The following LRRC47 variants were observed in gnomAD, a reference collection of about 807,000 sequenced individuals.
The protein encoded by LRRC47 is leucine rich repeat containing 47, also known as leucine-rich repeat-containing protein 47.
LRRC47 carries 31 observed loss-of-function variants against 40.9 expected under a neutral mutation model. The observed-to-expected ratio is 0.76, with a 90% confidence interval of 0.57 to 1.02. The LOEUF (loss-of-function observed/expected upper bound fraction) is 1.02, where lower values mean the gene tolerates loss of function less well. LRRC47 is among the 50% of genes least tolerant of loss of function. The probability of loss-of-function intolerance (pLI) is 0.00; values close to 1 mark genes in which losing one functional copy is unlikely to be tolerated. For missense variants in LRRC47, 726 were observed against 796.1 expected (o/e 0.91, Z 1.06); for synonymous variants, 427 against 371.9 (o/e 1.15, Z -1.70).
rs1643501016 is a variant in LRRC47, at chr1:3,779,765, C to T, written c.*1323G>A. ...GCTCCACCTGCCTGTCACTGCAGCA[C>T]CAGCGTGCACACGATGGAAACCCCA... On this transcript the variant is annotated 3_prime_UTR_variant, in exon 7 of 7. Transcript: ENST00000378251. 1 of 152,214 alleles carries T rather than the reference C, an allele frequency of 6.6e-6. No homozygotes were observed. The highest frequency in any genetic ancestry group is 1.5e-5 in the Non-Finnish European group (1 of 68,070). The allele number at this position is 152,214 out of a possible 1,614,324, so 9.4% of individuals were successfully genotyped here.
In LRRC47 at chr1:3,796,422, C is replaced by A. The variant is rs1276256947; in HGVS notation, c.55G>T (p.Glu19Ter). The change falls in exon 1 of 7, where the codon GAG becomes TAG. Residue 19 changes from glutamate (E) to a stop codon, truncating the protein, a stop_gained. Transcript: ENST00000378251. LOFTEE classifies it high-confidence loss of function. The stretch of plus-strand genomic sequence containing the variant: ...GTCAGCAGCAGCTCCCGCCGCCGCT[C>A]GCGCTCAGCCAGCTCCAGCTCCGGC... ...SWPELELAER[E>*]RRRELLLTGP... is the part of the protein sequence containing the mutation. 6.6e-7 allele frequency: 1 copy of A among 1,518,630 alleles called. No homozygotes were observed. Among genetic ancestry groups the A allele is most frequent in the Admixed American group, 2.0e-5 (1 of 50,332 alleles). The allele number at this position is 1,518,630 out of a possible 1,614,324, so 94.1% of individuals were successfully genotyped here.
intron 3 of LRRC47, 182 bp from the exon 4 acceptor site, chr1:3,784,293 G>A (rs1028951325): frequency 6.8e-6 from 4 of 591,368 alleles, no homozygotes; most frequent in Non-Finnish European, 1.2e-5. Flanking sequence ...TGCCACTGCA[G>A]CGTCCCGGGG....
chr1:3,790,494 A>T (rs925075261), intron 1 of LRRC47, among the ~76,000 whole-genome samples: 8 of 152,228 alleles, frequency 5.3e-5, no homozygotes, highest in African/African-American at 1.7e-4. Context: ...CGCCTGCGTG[A>T]TGGCCACTTA....
chr1:3,780,795 G>C lies in LRRC47; in HGVS notation c.*293C>G. 4 of 368,486 alleles carry C rather than the reference G, an allele frequency of 1.1e-5. No individual in the cohort carries two copies. The South Asian group carries it at 1.1e-4, about 10-fold the overall frequency. 22.8% of individuals were successfully genotyped at this position (368,486 alleles called of 1,614,324 possible). ...GATCAAGACCATCCTGGTCAAAATGGTGAAACCCCGTCTCTACTAAAAATA... is the reference window on the plus strand; with the variant it reads ...GATCAAGACCATCCTGGTCAAAATGCTGAAACCCCGTCTCTACTAAAAATA... On this transcript the variant is annotated 3_prime_UTR_variant, in exon 7 of 7. Transcript: ENST00000378251.
chr1:3,793,462 G>A (rs1643644818), intron 1 of LRRC47, among the ~76,000 whole-genome samples: 1 of 152,188 alleles, frequency 6.6e-6, no homozygotes. Context: ...TAATTTAAAT[G>A]ATAATACTCC....
At chr1:3,788,040 G>T (rs556217232) in intron 1 of LRRC47, among the ~76,000 whole-genome samples, 11 of 152,358 alleles carry the variant, frequency 7.2e-5, no homozygotes, top group African/African-American at 2.6e-4. Flanking sequence ...AAACGTGCAG[G>T]TGACCTCACT....
In LRRC47 at chr1:3,783,748, C is replaced by T. The variant is rs939606346; in HGVS notation, c.1310+248G>A. The T allele has an allele frequency of 1.6e-5, 8 of 512,342 alleles. No homozygotes were observed. The Admixed American group carries it at 2.3e-4, about 15-fold the overall frequency. The allele number at this position is 512,342 out of a possible 1,614,324, so 31.7% of individuals were successfully genotyped here. On this transcript the variant is annotated intron_variant, in intron 4 of 6. Coordinates refer to ENST00000378251, the MANE Select transcript of LRRC47 (RefSeq NM_020710.3). ...CCTGTCCCATCCTGAGGGCCACCCGCCCCCTGTGGAATGGCCAATACCTCC... is the reference window on the plus strand; with the variant it reads ...CCTGTCCCATCCTGAGGGCCACCCGTCCCCTGTGGAATGGCCAATACCTCC...
rs750609662 is a variant in LRRC47, at chr1:3,786,986, C to T, written c.940G>A (p.Val314Ile). The T allele has an allele frequency of 5.6e-6, 9 of 1,611,690 alleles. No homozygotes were observed. Among genetic ancestry groups the T allele is most frequent in the African/African-American group, 4.0e-5 (3 of 74,878 alleles). ...GTCAGAGGTACGGGGTTTTCAGAGA[C>T]GTGCAGGACCCTGAGCAGCAGCCGG... Reference protein sequence around the residue: ...AGRLLLRVLHVSENPVPLTVR... With the variant: ...AGRLLLRVLHISENPVPLTVR... The change falls in exon 2 of 7, where the codon GTC becomes ATC. Residue 314 changes from valine (V) to isoleucine (I), a missense_variant. Physicochemically the swap from Val to Ile is conservative, Grantham distance 29. Transcript: ENST00000378251.
intron 3 of LRRC47, 31 bp from the exon 4 acceptor site, chr1:3,784,142 G>A: frequency 6.4e-7 from 1 of 1,564,568 alleles, no homozygotes; most frequent in Non-Finnish European, 8.7e-7. Flanking sequence ...AACTCCACTA[G>A]GGTCACAGCC....
In LRRC47 at chr1:3,784,284, G is replaced by A. The variant is rs1376956380; in HGVS notation, c.1195-173C>T. 9.8e-6 allele frequency: 6 copies of A among 609,276 alleles called. No individual in the cohort carries two copies. In the East Asian group the frequency reaches 1.7e-4, roughly 17 times the overall value. 37.7% of individuals were successfully genotyped at this position (609,276 alleles called of 1,614,324 possible). The stretch of plus-strand genomic sequence containing the variant: ...CGCAGCAAGAAGCTGCATGTGGGCT[G>A]CCACTGCAGCGTCCCGGGGAGACCT... On this transcript the variant is annotated intron_variant, in intron 3 of 6. Transcript: ENST00000378251.
Position 3,784,109 on chromosome 1 carries a change from A to G in LRRC47, c.1197T>C (p.Ile399=), listed in dbSNP as rs750920435. ...YCARPPQDLK[I]VPLGRKEAKA... ...TGGCTTCTTTCCGCCCCAAGGGGACAATCTATCGGGCAGAAACCCACAAAC... is the reference window on the plus strand; with the variant it reads ...TGGCTTCTTTCCGCCCCAAGGGGACGATCTATCGGGCAGAAACCCACAAAC... Residue 399 remains isoleucine (I), a splice_region_variant and synonymous_variant, in exon 4 of 7, where the codon ATT becomes ATC. Coordinates refer to ENST00000378251, the MANE Select transcript of LRRC47 (RefSeq NM_020710.3). 6.2e-7 allele frequency: 1 copy of G among 1,608,358 alleles called. No individual in the cohort carries two copies. Among genetic ancestry groups the G allele is most frequent in the South Asian group, 1.1e-5 (1 of 90,040 alleles).
intron 1 of LRRC47, 109 bp downstream of exon 1, chr1:3,795,753 C>T: frequency 1.5e-6 from 2 of 1,333,296 alleles, no homozygotes; most frequent in Non-Finnish European, 2.0e-6. Context: ...ATTCCCTGGG[C>T]CCAGTGCCCC....
At position 3,788,157 on chromosome 1, in the gene LRRC47, G is replaced by A. The variant is rs771008476; in HGVS notation, c.616-847C>T. Among the ~76,000 whole-genome samples the A allele has an allele frequency of 2.4e-4, 36 of 152,370 alleles. 1 individual carries two copies. Among genetic ancestry groups the A allele is most frequent in the Middle Eastern group, 3.4e-3 (1 of 294 alleles). On this transcript the variant is annotated intron_variant, in intron 1 of 6. Transcript: ENST00000378251. ...GTGTGAGGGCAGCCACTTCCATGAC[G>A]TGAGGCGGCCGCTGCAGGTTCAGGC... is the stretch of plus-strand genomic sequence containing the variant.
rs370208893 is a variant in LRRC47, at chr1:3,781,047, C to A, written c.*41G>T. ...TTCAGCATTGCCGCATAGAAACCTCCGCAAAACCGGCCAAACAAACGCGGA... is the reference window on the plus strand; with the variant it reads ...TTCAGCATTGCCGCATAGAAACCTCAGCAAAACCGGCCAAACAAACGCGGA... On this transcript the variant is annotated 3_prime_UTR_variant, in exon 7 of 7. Coordinates refer to ENST00000378251, the MANE Select transcript of LRRC47 (RefSeq NM_020710.3). 3.8e-6 allele frequency: 6 copies of A among 1,596,328 alleles called. No homozygotes were observed. Among genetic ancestry groups the A allele is most frequent in the Non-Finnish European group, 5.1e-6 (6 of 1,168,632 alleles).
In LRRC47 at chr1:3,780,804, C is replaced by G. The variant is rs897976445; in HGVS notation, c.*284G>C. 1 of 388,526 alleles carries G rather than the reference C, an allele frequency of 2.6e-6. No individual in the cohort carries two copies. The highest frequency in any genetic ancestry group is 2.1e-5 in the African/African-American group (1 of 48,420). The allele number at this position is 388,526 out of a possible 1,614,324, so 24.1% of individuals were successfully genotyped here. A position where few individuals can be genotyped will look rare whatever the true frequency, so the allele number is the denominator to read the frequency against. On this transcript the variant is annotated 3_prime_UTR_variant, in exon 7 of 7. Coordinates refer to ENST00000378251, the MANE Select transcript of LRRC47 (RefSeq NM_020710.3). ...CATCCTGGTCAAAATGGTGAAACCC[C>G]GTCTCTACTAAAAATACAAAAATTA...
In LRRC47 at chr1:3,796,186, C is replaced by A; in HGVS notation, c.291G>T (p.Pro97=). 1.4e-6 allele frequency: 2 copies of A among 1,436,916 alleles called. No individual in the cohort carries two copies. Among genetic ancestry groups the A allele is most frequent in the Non-Finnish European group, 1.8e-6 (2 of 1,101,346 alleles). 89.0% of individuals were successfully genotyped at this position (1,436,916 alleles called of 1,614,324 possible). The change falls in exon 1 of 7, where the codon CCG becomes CCT. Residue 97 remains proline (P), a synonymous_variant. Coordinates refer to ENST00000378251, the MANE Select transcript of LRRC47 (RefSeq NM_020710.3). ...LGPGLSPELG[P]LPALRVLDLS... ...GGTCGAGCACCCGAAGGGCAGGCAG[C>A]GGCCCGAGCTCGGGGCTCAGGCCGG...
intron 1 of LRRC47, among the ~76,000 whole-genome samples, chr1:3,791,912 C>A (rs540178008): frequency 2.0e-5 from 3 of 151,530 alleles, no homozygotes; most frequent in African/African-American, 7.3e-5. Context: ...CACCACCACA[C>A]CCAGCTAATT....
intron 1 of LRRC47, among the ~76,000 whole-genome samples, chr1:3,790,223 A>G (rs1279441607): frequency 6.6e-6 from 1 of 151,988 alleles, no homozygotes; most frequent in African/African-American, 2.4e-5. Context: ...ACAGGCTGAC[A>G]TAAACCAACC....
At chr1:3,794,823 G>A (rs1033559956) in intron 1 of LRRC47, among the ~76,000 whole-genome samples, 1 of 151,896 alleles carries the variant, frequency 6.6e-6, no homozygotes, top group Non-Finnish European at 1.5e-5. Flanking sequence ...GGAAGGCCGA[G>A]ACAGGCGGAT....
Sources: gnomAD v4.1 joint callset for allele counts (sites outside exome capture counted in the v4.1 genomes callset) on GRCh38, gnomAD v4.1.1 for gene constraint, MANE v1.5 for transcripts, NCBI Gene and HGNC (gene_info 2026-07-23, HGNC 2026-07-21) for gene names.